TRIM58: variants seen among roughly 807,000 people sequenced by gnomAD.
TRIM58 encodes the protein E3 ubiquitin-protein ligase TRIM58.
A neutral mutation model predicts 34.1 loss-of-function variants in TRIM58; 38 were observed. That is an observed-to-expected ratio of 1.12 (90% CI 0.86 to 1.46). TRIM58 has a LOEUF of 1.46. Ranked by LOEUF, TRIM58 falls within the 40% of genes most tolerant of loss-of-function variation. The probability of loss-of-function intolerance (pLI) is 0.00; values close to 1 mark genes in which losing one functional copy is unlikely to be tolerated. For missense variants in TRIM58, 677 were observed against 642.0 expected (o/e 1.05, Z -0.59); for synonymous variants, 273 against 275.7 (o/e 0.99, Z 0.10).
In TRIM58 at chr1:247,857,288, G is replaced by C. The variant is rs768992478; in HGVS notation, c.42G>C (p.Ala14=). ...APPGERLRED[A]RCPVCLDFLQ... is the part of the protein sequence containing the mutation. ...CCGGGGAGCGGCTGCGCGAGGATGC[G>C]CGGTGCCCGGTGTGCCTGGATTTCC... The change falls in exon 1 of 6, where the codon GCG becomes GCC. Residue 14 remains alanine, a synonymous_variant. Coordinates refer to ENST00000366481, the MANE Select transcript of TRIM58 (RefSeq NM_015431.4). The C allele has an allele frequency of 2.5e-5, 35 of 1,386,546 alleles. No homozygotes were observed. Among genetic ancestry groups the C allele is most frequent in the Non-Finnish European group, 2.8e-5 (30 of 1,062,200 alleles). The allele number at this position is 1,386,546 out of a possible 1,614,324, so 85.9% of individuals were successfully genotyped here. A position where few individuals can be genotyped will look rare whatever the true frequency, so the allele number is the denominator to read the frequency against.
At chr1:247,874,234 G>A (rs772266250) in intron 5 of TRIM58, among the ~76,000 whole-genome samples, 1 of 152,196 alleles carries the variant, frequency 6.6e-6, no homozygotes, top group Non-Finnish European at 1.5e-5. Flanking sequence ...TTCTGGTGAG[G>A]CCTCAGGACA....
intron 4 of TRIM58, 34 bp downstream of exon 4, chr1:247,867,901 G>A: frequency 1.2e-6 from 2 of 1,614,132 alleles, no homozygotes; most frequent in Non-Finnish European, 1.7e-6. Flanking sequence ...GAAGGGATTG[G>A]GAGAGGCAGA....
At chr1:247,864,114 G>T (rs891880860) in intron 2 of TRIM58, among the ~76,000 whole-genome samples, 1 of 152,014 alleles carries the variant, frequency 6.6e-6, no homozygotes, top group African/African-American at 2.4e-5. Flanking sequence ...TAGTTTAATA[G>T]ATATTTAGCT....
intron 3 of TRIM58, among the ~76,000 whole-genome samples, chr1:247,866,044 T>C (rs11204527): frequency 0.51 from 76,864 of 151,990 alleles, 21,514 homozygotes; most frequent in Middle Eastern, 0.68. Context: ...TCTCATTTTA[T>C]CTTATATATA....
intron 5 of TRIM58, among the ~76,000 whole-genome samples, chr1:247,871,009 A>G (rs1659106166): frequency 6.7e-6 from 1 of 149,314 alleles, no homozygotes; most frequent in African/African-American, 2.5e-5. Flanking sequence ...TAGAGCCTGC[A>G]CCACCACGCC....
At chr1:247,875,248 A>T (rs1659254445) in intron 5 of TRIM58, among the ~76,000 whole-genome samples, 2 of 152,202 alleles carry the variant, frequency 1.3e-5, no homozygotes, top group Non-Finnish European at 2.9e-5. Context: ...CCACAGTAAT[A>T]TAACTTTGGA....
At chr1:247,859,259 C>T (rs1663721707) in intron 1 of TRIM58, among the ~76,000 whole-genome samples, 1 of 152,112 alleles carries the variant, frequency 6.6e-6, no homozygotes, top group Admixed American at 6.5e-5. Flanking sequence ...GCTACATCTC[C>T]TTGCTTTTGC....
chr1:247,879,681 A>G lies in TRIM58; in HGVS notation c.*3192A>G, dbSNP rs1659366975. ...ATTCTGCTCCAGCTGCCCTGGCCTC[A>G]TGGCTGGGTTTCCACCAAAGCAGGC... On this transcript the variant is annotated 3_prime_UTR_variant, in exon 6 of 6. Coordinates refer to ENST00000366481, the MANE Select transcript of TRIM58 (RefSeq NM_015431.4). Among the ~76,000 whole-genome samples the G allele has an allele frequency of 6.7e-6, 1 of 148,408 alleles. No homozygotes were observed. Among genetic ancestry groups the G allele is most frequent in the Non-Finnish European group, 1.5e-5 (1 of 67,484 alleles).
rs1553337842 is a variant in TRIM58 at position 247,875,887 on chromosome 1, A to ATT, written c.872-12_872-11dup. ...TCTTTCCTTTCACCTGGTCCACCAC[A>ATT]TTCTTTCCGCAGTGGATGTAAAGCT... On this transcript the variant is annotated splice_polypyrimidine_tract_variant and intron_variant, in intron 5 of 5. Coordinates refer to ENST00000366481, the MANE Select transcript of TRIM58 (RefSeq NM_015431.4). The ATT allele has an allele frequency of 6.0e-5, 96 of 1,598,818 alleles. No individual in the cohort carries two copies. Among genetic ancestry groups the ATT allele is most frequent in the Non-Finnish European group, 8.0e-5 (94 of 1,171,402 alleles).
rs564289287 is a variant in TRIM58 at position 247,877,331 on chromosome 1, G to C, written c.*842G>C. The C allele has an allele frequency of 6.6e-6, 1 of 152,058 alleles. No individual in the cohort carries two copies. Among genetic ancestry groups the C allele is most frequent in the African/African-American group, 2.4e-5 (1 of 41,452 alleles). 9.4% of individuals were successfully genotyped at this position (152,058 alleles called of 1,614,324 possible). A position where few individuals can be genotyped will look rare whatever the true frequency, so the allele number is the denominator to read the frequency against. On this transcript the variant is annotated 3_prime_UTR_variant, in exon 6 of 6. Transcript: ENST00000366481. ...CTCACGCCTGTAATCCCAGCACTTTGGGAGGCTGAGGCGGGTGGATCACAA... is the reference window on the plus strand; with the variant it reads ...CTCACGCCTGTAATCCCAGCACTTTCGGAGGCTGAGGCGGGTGGATCACAA...
rs1659332894 is a variant in TRIM58, at chr1:247,878,167, A to ATAAAT, written c.*1679_*1683dup. The ATAAAT allele has an allele frequency of 2.6e-5, 1 of 38,270 alleles. No homozygotes were observed. The highest frequency in any genetic ancestry group is 1.5e-4 in the African/African-American group (1 of 6,682). 2.4% of individuals were successfully genotyped at this position (38,270 alleles called of 1,614,324 possible). On this transcript the variant is annotated 3_prime_UTR_variant, in exon 6 of 6. Coordinates refer to ENST00000366481, the MANE Select transcript of TRIM58 (RefSeq NM_015431.4). ...AACAGAGCAAGACTCCATCTCAAAA[A>ATAAAT]TAAATAAATAAATAAATAAATAAAT... is the stretch of plus-strand genomic sequence containing the variant.
At chr1:247,857,958 T>C (rs1313734262) in intron 1 of TRIM58, among the ~76,000 whole-genome samples, 1 of 152,236 alleles carries the variant, frequency 6.6e-6, no homozygotes, top group Non-Finnish European at 1.5e-5. Context: ...GCGGATAGTC[T>C]GGTCCCTCAG....
intron 5 of TRIM58, among the ~76,000 whole-genome samples, chr1:247,870,207 C>T (rs1299644174): frequency 6.6e-6 from 1 of 152,154 alleles, no homozygotes; most frequent in Non-Finnish European, 1.5e-5. Flanking sequence ...AATGGGCATA[C>T]CAGGGTGCCA....
chr1:247,867,610 C>T (rs562876779), intron 3 of TRIM58, among the ~76,000 whole-genome samples: 1 of 152,068 alleles, frequency 6.6e-6, no homozygotes, highest in African/African-American at 2.4e-5. Flanking sequence ...GAGGCTGAGG[C>T]AGGGAGGTGG....
intron 5 of TRIM58, among the ~76,000 whole-genome samples, chr1:247,874,794 C>A (rs1332292127): frequency 6.6e-6 from 1 of 152,200 alleles, no homozygotes; most frequent in Non-Finnish European, 1.5e-5. Context: ...TAGGTTTTCT[C>A]AAGGCCCAAA....
At chr1:247,864,131 C>T (rs1024104828) in intron 2 of TRIM58, among the ~76,000 whole-genome samples, 6 of 151,878 alleles carry the variant, frequency 4.0e-5, no homozygotes, top group African/African-American at 1.5e-4. Context: ...AGCTGTAATC[C>T]ACATACTCCT....
intron 1 of TRIM58, 25 bp downstream of exon 1, chr1:247,857,691 GC>G: frequency 8.2e-7 from 1 of 1,216,370 alleles, no homozygotes; most frequent in South Asian, 3.8e-5. Context: ...GGCGGGGGCT[GC>G]GGGCGCTGCG....
At chr1:247,874,989 G>A (rs930146836) in intron 5 of TRIM58, among the ~76,000 whole-genome samples, 26 of 152,152 alleles carry the variant, frequency 1.7e-4, no homozygotes, top group African/African-American at 5.3e-4. Flanking sequence ...AGCTCTAGAG[G>A]TCACTCGTTT....
chr1:247,864,817 C>T lies in TRIM58; in HGVS notation c.629C>T (p.Ala210Val), dbSNP rs138082117. Residue 210 changes from alanine to valine, a missense_variant, in exon 3 of 6, where the codon GCG becomes GTG. Transcript: ENST00000366481. ...AGGCGGCTGGAGGCGGAGGAGCGAGCGACGCTGCAGAGACTGCGGGAGAGC... is the reference window on the plus strand; with the variant it reads ...AGGCGGCTGGAGGCGGAGGAGCGAGTGACGCTGCAGAGACTGCGGGAGAGC... ...QLRRLEAEER[A>V]TLQRLRESKS... 50 of 1,613,780 alleles carry T rather than the reference C, an allele frequency of 3.1e-5. No individual in the cohort carries two copies. In the African/African-American group the frequency reaches 3.7e-4, roughly 12 times the overall value.
Sources: gnomAD v4.1 joint callset for allele counts (sites outside exome capture counted in the v4.1 genomes callset) on GRCh38, gnomAD v4.1.1 for gene constraint, MANE v1.5 for transcripts, NCBI Gene and HGNC (gene_info 2026-07-23, HGNC 2026-07-21) for gene names.